DIP2C: variants seen among roughly 807,000 people sequenced by gnomAD.
DIP2C encodes DIP2 acetate--CoA ligase C (putative).
Under a neutral mutation model 192.4 loss-of-function variants are expected in DIP2C, and 33 were observed. The ratio of observed to expected loss-of-function variants is 0.17; its 90% CI spans 0.13 to 0.23. The LOEUF is 0.23. Among genes scored for constraint, DIP2C ranks in the 10% least tolerant of loss-of-function variants. The pLI, the probability that DIP2C is intolerant of heterozygous loss-of-function variation, is 1.00. For synonymous variants in DIP2C, 979 were observed against 864.1 expected (o/e 1.13, Z -2.33); for missense variants, 1,537 against 2,110.1 (o/e 0.73, Z 5.32).
At position 673,386 on chromosome 10, in the gene DIP2C, A is replaced by G. The variant is rs547242175; in HGVS notation, c.85+16108T>C. ...TTCAGAAGGACGAAAAAGGATCCACATGAGAGCGGCTGAAAACTAAAAGGC... is the reference window on the plus strand; with the variant it reads ...TTCAGAAGGACGAAAAAGGATCCACGTGAGAGCGGCTGAAAACTAAAAGGC... On this transcript the variant is annotated intron_variant, in intron 1 of 36. Coordinates refer to ENST00000280886, the MANE Select transcript of DIP2C (RefSeq NM_014974.3). Among the ~76,000 whole-genome samples, 839 of 152,350 alleles carry G rather than the reference A, an allele frequency of 5.5e-3. 10 individuals carry two copies. Among genetic ancestry groups the G allele is most frequent in the Non-Finnish European group, 8.1e-3 (549 of 68,028 alleles).
In DIP2C at chr10:393,281, T is replaced by C. The variant is rs553085226; in HGVS notation, c.1261-2418A>G. Among the ~76,000 whole-genome samples the C allele has an allele frequency of 9.8e-4, 149 of 152,286 alleles. 1 individual carries two copies. The highest frequency in any genetic ancestry group is 2.7e-3 in the South Asian group (13 of 4,824). On this transcript the variant is annotated intron_variant, in intron 10 of 36. Transcript: ENST00000280886. The stretch of plus-strand genomic sequence containing the variant: ...GAAGCAATATTAGGATTCACATACT[T>C]AACTACACGAATATGCTCATCTGAC...
intron 21 of DIP2C, 117 bp from the exon 22 acceptor site, chr10:362,808 C>T (rs962592756): frequency 5.2e-6 from 6 of 1,163,522 alleles, no homozygotes; most frequent in Non-Finnish European, 7.0e-6. Flanking sequence ...AAGCACTGTT[C>T]CCAGCATAAA....
At position 356,488 on chromosome 10, in the gene DIP2C, C is replaced by A. The variant is rs1554829112; in HGVS notation, c.2923G>T (p.Val975Phe). Reference sequence around the variant, plus strand: ...GTGGTCTGTGCTCTCCACTGCAAGACCTCTGAGAGGAACAGGAACTGGAAC... The same window carrying A: ...GTGGTCTGTGCTCTCCACTGCAAGAACTCTGAGAGGAACAGGAACTGGAAC... ...QARKFLFLSEVLQWRAQTTPD... is the reference protein window; with the variant it reads ...QARKFLFLSEFLQWRAQTTPD... Residue 975 changes from valine to phenylalanine, a missense_variant, in exon 24 of 37, where the codon GTC (valine) becomes TTC (phenylalanine). Physicochemically the swap from Val to Phe is conservative, Grantham distance 50. Around this residue, in one of 4 missense-constraint regions of DIP2C, gnomAD observed 677 missense variants for 989.9 expected, o/e 0.68. Coordinates refer to ENST00000280886, the MANE Select transcript of DIP2C (RefSeq NM_014974.3). 1 of 1,612,158 alleles carries A rather than the reference C, an allele frequency of 6.2e-7. No homozygotes were observed. The highest frequency in any genetic ancestry group is 8.5e-7 in the Non-Finnish European group (1 of 1,179,806).
intron 5 of DIP2C, among the ~76,000 whole-genome samples, chr10:422,585 G>T (rs928253559): frequency 4.6e-5 from 7 of 152,146 alleles, no homozygotes; most frequent in Admixed American, 2.0e-4. Flanking sequence ...AGATGGGAGC[G>T]GATACGGCTG....
rs75690543 is a variant in DIP2C, at chr10:372,622, C to T, written c.1992-2989G>A. ...GCTAGTCGGAGAAAACGCACGGCCC[C>T]GGGATTCTTTCCTTGCAGATGTGCA... is the stretch of plus-strand genomic sequence containing the variant. On this transcript the variant is annotated intron_variant, in intron 17 of 36. Transcript: ENST00000280886. 9.0e-3 allele frequency among the ~76,000 whole-genome samples: 1,373 copies of T among 152,310 alleles called. 17 individuals are homozygous for T. Among genetic ancestry groups the T allele is most frequent in the African/African-American group, 0.029 (1,214 of 41,566 alleles).
intron 1 of DIP2C, among the ~76,000 whole-genome samples, chr10:487,246 C>T (rs138496965): frequency 2.8e-4 from 42 of 152,330 alleles, no homozygotes; most frequent in African/African-American, 8.7e-4. Context: ...AATACTCATT[C>T]GCTGTTCATT....
intron 4 of DIP2C, among the ~76,000 whole-genome samples, chr10:425,721 T>C (rs911895329): frequency 2.6e-5 from 4 of 152,246 alleles, no homozygotes; most frequent in African/African-American, 9.6e-5. Context: ...CGACAGGAAT[T>C]CAGGTTAACA....
chr10:582,454 G>A (rs548437386), intron 1 of DIP2C, among the ~76,000 whole-genome samples: 5 of 152,324 alleles, frequency 3.3e-5, no homozygotes, highest in East Asian at 1.9e-4. Flanking sequence ...ATGCTGGTGC[G>A]CGCCTGAGGT....
intron 29 of DIP2C, among the ~76,000 whole-genome samples, chr10:331,106 A>G (rs554284270): frequency 2.8e-4 from 43 of 151,864 alleles, no homozygotes; most frequent in African/African-American, 9.9e-4. Flanking sequence ...ATGAGCTGCC[A>G]TAAGAGGCCT....
At chr10:592,221 T>G (rs1007099021) in intron 1 of DIP2C, among the ~76,000 whole-genome samples, 2 of 152,216 alleles carry the variant, frequency 1.3e-5, no homozygotes, top group African/African-American at 4.8e-5. Flanking sequence ...TCAGATGACT[T>G]CAGGTTCTGC....
rs1343383929 is a variant in DIP2C at position 621,971 on chromosome 10, C to CT, written c.85+67522dup. Reference sequence around the variant, plus strand: ...TTTCAAACACCATAGCCTGTTTTTTCTTTTTTTTAATGCTCTACCGTGTGT... The same window carrying CT: ...TTTCAAACACCATAGCCTGTTTTTTCTTTTTTTTTAATGCTCTACCGTGTGT... On this transcript the variant is annotated intron_variant, in intron 1 of 36. Transcript: ENST00000280886. Among the ~76,000 whole-genome samples, 9 of 151,656 alleles carry CT rather than the reference C, an allele frequency of 5.9e-5. No homozygotes were observed. In the South Asian group the frequency reaches 6.3e-4, roughly 11 times the overall value.
At chr10:398,406 G>T (rs1484164444) in intron 10 of DIP2C, among the ~76,000 whole-genome samples, 1 of 152,112 alleles carries the variant, frequency 6.6e-6, no homozygotes, top group Non-Finnish European at 1.5e-5. Context: ...GACCTGGAAG[G>T]CCCCCACTGC....
At chr10:331,758 G>C (rs1957518469) in intron 29 of DIP2C, among the ~76,000 whole-genome samples, 1 of 152,172 alleles carries the variant, frequency 6.6e-6, no homozygotes, top group South Asian at 2.1e-4. Flanking sequence ...CTAGCAAATA[G>C]TGACCTTTCC....
At chr10:606,244 C>T (rs111814064) in intron 1 of DIP2C, among the ~76,000 whole-genome samples, 1 of 152,226 alleles carries the variant, frequency 6.6e-6, no homozygotes, top group Admixed American at 6.5e-5. Context: ...CACCCACCCC[C>T]CCAGAGGACC....
intron 4 of DIP2C, among the ~76,000 whole-genome samples, chr10:431,575 CTT>C (rs984481068): frequency 6.6e-6 from 1 of 152,174 alleles, no homozygotes; most frequent in African/African-American, 2.4e-5. Context: ...ACATGAGCCA[CTT>C]TTTTATTTCA....
Position 418,941 on chromosome 10 carries a change from G to C in DIP2C, c.739+124C>G, listed in dbSNP as rs76362293. 4,689 of 1,435,582 alleles carry C rather than the reference G, an allele frequency of 3.3e-3. 32 individuals carry two copies. The highest frequency in any genetic ancestry group is 0.015 in the East Asian group (626 of 42,558). The allele number at this position is 1,435,582 out of a possible 1,614,324, so 88.9% of individuals were successfully genotyped here. A position where few individuals can be genotyped will look rare whatever the true frequency, so the allele number is the denominator to read the frequency against. ...TTCCATGAGAGGCTCCCGAAGATCT[G>C]ATAAATTGGCTTTGTCAGAACCGAT... On this transcript the variant is annotated intron_variant, in intron 6 of 36. Transcript: ENST00000280886.
At chr10:507,955 C>T (rs1443591815) in intron 1 of DIP2C, among the ~76,000 whole-genome samples, 2 of 152,210 alleles carry the variant, frequency 1.3e-5, no homozygotes, top group Admixed American at 6.5e-5. Flanking sequence ...AGAGTCCATG[C>T]GTTGTATCAT....
At chr10:377,971 G>A (rs944235042) in intron 17 of DIP2C, among the ~76,000 whole-genome samples, 13 of 152,242 alleles carry the variant, frequency 8.5e-5, no homozygotes, top group African/African-American at 2.9e-4. Flanking sequence ...TCACAACGTA[G>A]CTTTAAGAAA....
intron 1 of DIP2C, among the ~76,000 whole-genome samples, chr10:559,712 T>A (rs2605904): frequency 0.33 from 50,362 of 152,016 alleles, 13,126 homozygotes; most frequent in African/African-American, 0.73. Flanking sequence ...ACACAGCAGC[T>A]GTGCAGACTC....
Sources: allele counts gnomAD v4.1 joint callset (sites outside exome capture counted in the v4.1 genomes callset), GRCh38; gene constraint gnomAD v4.1.1; regional missense constraint gnomAD v4.1.1; transcripts MANE v1.5; gene names NCBI Gene and HGNC (gene_info 2026-07-23, HGNC 2026-07-21).